Variants in SIK3 observed in about 807,000 individuals in gnomAD.
SIK3 encodes the protein SIK family kinase 3.
Under a neutral mutation model 144.2 loss-of-function variants are expected in SIK3, and 28 were observed. The ratio of observed to expected loss-of-function variants is 0.19; its 90% CI spans 0.14 to 0.27. The LOEUF (loss-of-function observed/expected upper bound fraction) is 0.27, where lower values mean the gene tolerates loss of function less well. Among genes scored for constraint, SIK3 ranks in the 10% least tolerant of loss-of-function variants. The pLI is 1.00. For synonymous variants in SIK3, 686 were observed against 676.3 expected (o/e 1.01, Z -0.22); for missense variants, 1,319 against 1,776.0 (o/e 0.74, Z 4.62).
At chr11:116,949,230 G>C (rs1948816586) in intron 3 of SIK3, among the ~76,000 whole-genome samples, 1 of 152,212 alleles carries the variant, frequency 6.6e-6, no homozygotes, top group South Asian at 2.1e-4. Context: ...TTCTTCTAGT[G>C]AAGTTTATTT....
chr11:116,913,132 A>C (rs1946433367), intron 4 of SIK3, among the ~76,000 whole-genome samples: 1 of 152,142 alleles, frequency 6.6e-6, no homozygotes, highest in African/African-American at 2.4e-5. Flanking sequence ...AGAAGTCACA[A>C]TATTAGTTCA....
rs1955578984 is a variant in SIK3 at position 117,098,348 on chromosome 11, G to GCGGGCCCGGCTCCCC, written c.53_67dup (p.Gly18_Pro22dup). 2 of 1,151,120 alleles carry GCGGGCCCGGCTCCCC rather than the reference G, an allele frequency of 1.7e-6. No individual in the cohort carries two copies. The highest frequency in any genetic ancestry group is 1.6e-5 in the African/African-American group (1 of 60,664). The allele number at this position is 1,151,120 out of a possible 1,614,324, so 71.3% of individuals were successfully genotyped here. A position where few individuals can be genotyped will look rare whatever the true frequency, so the allele number is the denominator to read the frequency against. On this transcript the variant is annotated inframe_insertion, in exon 1 of 25. Transcript: ENST00000445177. The stretch of plus-strand genomic sequence containing the variant: ...CGCGGGCGGAGGCAGCAGGCGGCCC[G>GCGGGCCCGGCTCCCC]CGGGCCCGGCTCCCCCAGTCCCGGC...
chr11:116,873,741 C>G, intron 12 of SIK3, 105 bp from the exon 13 acceptor site: 2 of 1,475,840 alleles, frequency 1.4e-6, no homozygotes, highest in Non-Finnish European at 1.8e-6. Context: ...TGGGTCATGA[C>G]AGAGACTAGA....
At chr11:117,016,394 G>GGGAAGGTAGGAAGGAAGGAA (rs1951535499) in intron 1 of SIK3, among the ~76,000 whole-genome samples, 1 of 59,280 alleles carries the variant, frequency 1.7e-5, no homozygotes, top group African/African-American at 8.7e-5. Flanking sequence ...GAGGGAGGGA[G>GGGAAGGTAGGAAGGAAGGAA]GGAAGGAAGG....
chr11:116,958,143 A>T (rs6589581), intron 1 of SIK3, among the ~76,000 whole-genome samples: 11,138 of 152,192 alleles, frequency 0.073, 735 homozygotes, highest in African/African-American at 0.18. Context: ...AAATCTTAAC[A>T]TTCTAAGATT....
At chr11:117,023,854 T>C (rs892393042) in intron 1 of SIK3, among the ~76,000 whole-genome samples, 2 of 151,890 alleles carry the variant, frequency 1.3e-5, no homozygotes, top group African/African-American at 4.8e-5. Context: ...ATTTTTTGTA[T>C]TTTTAGTAGA....
At position 116,972,354 on chromosome 11, in the gene SIK3, C is replaced by T. The variant is rs1016084320; in HGVS notation, c.274-15290G>A. Among the ~76,000 whole-genome samples the T allele has an allele frequency of 2.0e-5, 3 of 152,238 alleles. No individual in the cohort carries two copies. In the South Asian group the frequency reaches 6.2e-4, roughly 32 times the overall value. On this transcript the variant is annotated intron_variant, in intron 1 of 24. Transcript: ENST00000445177. ...ATGGTAATGAGTTGTTAAATATAAACAGAGATAATTGACTAATAAAAGAAT... is the reference window on the plus strand; with the variant it reads ...ATGGTAATGAGTTGTTAAATATAAATAGAGATAATTGACTAATAAAAGAAT...
chr11:117,067,937 T>C (rs957226811), intron 1 of SIK3, among the ~76,000 whole-genome samples: 6 of 152,184 alleles, frequency 3.9e-5, no homozygotes, highest in Admixed American at 3.3e-4. Flanking sequence ...TGAGCCGAGA[T>C]CGCGCCACTG....
chr11:117,056,533 A>G (rs1953532271), intron 1 of SIK3, among the ~76,000 whole-genome samples: 1 of 139,998 alleles, frequency 7.1e-6, no homozygotes. Context: ...ATAAAAATAT[A>G]TAGATAGATA....
intron 1 of SIK3, among the ~76,000 whole-genome samples, chr11:117,066,927 C>G (rs2135981534): frequency 6.6e-6 from 1 of 152,254 alleles, no homozygotes; most frequent in Non-Finnish European, 1.5e-5. Context: ...AAAAGATACT[C>G]AATATCATTA....
At chr11:117,094,552 G>A (rs1278232521) in intron 1 of SIK3, among the ~76,000 whole-genome samples, 4 of 152,118 alleles carry the variant, frequency 2.6e-5, no homozygotes, top group African/African-American at 7.2e-5. Flanking sequence ...AGGTTACAGT[G>A]AACTCTGGCA....
At chr11:116,989,465 C>T (rs1364669773) in intron 1 of SIK3, among the ~76,000 whole-genome samples, 4 of 152,164 alleles carry the variant, frequency 2.6e-5, no homozygotes, top group African/African-American at 9.7e-5. Flanking sequence ...TAGAAACTAT[C>T]GTTCTAAATC....
intron 21 of SIK3, among the ~76,000 whole-genome samples, chr11:116,856,552 G>C (rs1013683585): frequency 6.6e-6 from 1 of 152,080 alleles, no homozygotes; most frequent in African/African-American, 2.4e-5. Context: ...TTCCACCTAT[G>C]ATCTGGTTCT....
At chr11:117,062,064 C>T (rs1953819212) in intron 1 of SIK3, among the ~76,000 whole-genome samples, 1 of 151,742 alleles carries the variant, frequency 6.6e-6, no homozygotes, top group Admixed American at 6.6e-5. Flanking sequence ...GTGGTTCACG[C>T]CTGTAATCCC....
chr11:116,864,310 T>C (rs1051445478), intron 15 of SIK3: 1 of 152,402 alleles, frequency 6.6e-6, no homozygotes, highest in Non-Finnish European at 1.5e-5. Flanking sequence ...TCATAGGTTC[T>C]GTGACAGAAA....
At chr11:116,942,375 TCC>T in intron 3 of SIK3, among the ~76,000 whole-genome samples, 2 of 152,316 alleles carry the variant, frequency 1.3e-5, no homozygotes, top group East Asian at 3.9e-4. Context: ...GAACATGCAT[TCC>T]CTGTAGGCAC....
intron 1 of SIK3, among the ~76,000 whole-genome samples, chr11:117,083,717 T>C (rs1954888360): frequency 6.6e-6 from 1 of 152,214 alleles, no homozygotes; most frequent in Admixed American, 6.5e-5. Context: ...CAACTCATCC[T>C]AATAAGAAAC....
intron 1 of SIK3, among the ~76,000 whole-genome samples, chr11:117,090,714 A>G (rs1955205790): frequency 6.6e-6 from 1 of 152,334 alleles, no homozygotes; most frequent in Non-Finnish European, 1.5e-5. Flanking sequence ...CATTTTCTTC[A>G]TATCTCAGTC....
chr11:116,971,545 A>T (rs1408456808), intron 1 of SIK3, among the ~76,000 whole-genome samples: 1 of 152,188 alleles, frequency 6.6e-6, no homozygotes, highest in Non-Finnish European at 1.5e-5. Context: ...AAGGCACTAA[A>T]TTTTTTTGTT....
Sources: gnomAD v4.1 joint callset for allele counts (sites outside exome capture counted in the v4.1 genomes callset) on GRCh38, gnomAD v4.1.1 for gene constraint, MANE v1.5 for transcripts, NCBI Gene and HGNC (gene_info 2026-07-23, HGNC 2026-07-21) for gene names.